PTK2: variants seen among roughly 807,000 people sequenced by gnomAD.
PTK2 encodes protein tyrosine kinase 2, also known as focal adhesion kinase 1.
Under a neutral mutation model 150.1 loss-of-function variants are expected in PTK2, and 45 were observed. The ratio of observed to expected loss-of-function variants is 0.30; its 90% CI spans 0.24 to 0.38. The LOEUF is 0.38. Ranked by LOEUF, PTK2 falls within the 10% of genes least tolerant of loss-of-function variation. The pLI is 1.00. For missense variants in PTK2, 919 were observed against 1,307.3 expected (o/e 0.70, Z 4.58); for synonymous variants, 432 against 449.2 (o/e 0.96, Z 0.48).
chr8:140,940,912 G>A (rs898700324), intron 1 of PTK2, among the ~76,000 whole-genome samples: 7 of 152,144 alleles, frequency 4.6e-5, no homozygotes, highest in African/African-American at 1.4e-4. Context: ...AGTGGTTGCA[G>A]TGAGCTGAGA....
chr8:140,913,070 A>G (rs912088297), intron 2 of PTK2, among the ~76,000 whole-genome samples: 4 of 152,190 alleles, frequency 2.6e-5, no homozygotes, highest in African/African-American at 9.7e-5. Context: ...TCCTCTCACC[A>G]TTTCTCAACA....
intron 22 of PTK2, chr8:140,734,628 C>T (rs2100051499): frequency 2.3e-6 from 1 of 444,442 alleles, no homozygotes; most frequent in African/African-American, 2.0e-5. Flanking sequence ...CAGTACCTGG[C>T]ACAAAGTAGT....
intron 10 of PTK2, among the ~76,000 whole-genome samples, chr8:140,807,980 A>T (rs1219030204): frequency 1.3e-5 from 2 of 152,184 alleles, no homozygotes; most frequent in East Asian, 3.8e-4. Flanking sequence ...GGTAGTAGGC[A>T]GGAAAGGCCT....
At chr8:140,874,805 T>A (rs905112541) in intron 4 of PTK2, among the ~76,000 whole-genome samples, 1 of 152,240 alleles carries the variant, frequency 6.6e-6, no homozygotes, top group African/African-American at 2.4e-5. Flanking sequence ...GTTTGGTTCC[T>A]AGCTGAAAAC....
intron 5 of PTK2, among the ~76,000 whole-genome samples, chr8:140,847,080 C>T (rs927358287): frequency 6.6e-6 from 1 of 152,114 alleles, no homozygotes; most frequent in Non-Finnish European, 1.5e-5. Flanking sequence ...TCATAATAAC[C>T]TTCAGATGCT....
intron 1 of PTK2, among the ~76,000 whole-genome samples, chr8:140,973,419 T>A (rs748446889): frequency 2.6e-4 from 40 of 152,094 alleles, no homozygotes; most frequent in Non-Finnish European, 5.4e-4. Flanking sequence ...AGTAAAAGCT[T>A]TGGATCCTAA....
intron 4 of PTK2, among the ~76,000 whole-genome samples, chr8:140,878,018 G>T (rs1397295264): frequency 6.6e-6 from 1 of 152,044 alleles, no homozygotes; most frequent in Non-Finnish European, 1.5e-5. Context: ...GGGAGTTCAA[G>T]ACCAGCCCAA....
intron 16 of PTK2, among the ~76,000 whole-genome samples, chr8:140,755,099 T>C (rs1027788914): frequency 2.0e-5 from 3 of 152,194 alleles, no homozygotes; most frequent in African/African-American, 7.2e-5. Flanking sequence ...TTAAAATATC[T>C]TAACAAATAA....
intron 26 of PTK2, among the ~76,000 whole-genome samples, chr8:140,694,029 TTTC>T (rs2100024859): frequency 6.7e-6 from 1 of 150,162 alleles, no homozygotes; most frequent in African/African-American, 2.5e-5. Context: ...AGCATCTTTT[TTTC>T]TTTTCTTTTC....
chr8:140,962,451 C>A (rs1481825775), intron 1 of PTK2, among the ~76,000 whole-genome samples: 1 of 152,114 alleles, frequency 6.6e-6, no homozygotes, highest in African/African-American at 2.4e-5. Context: ...GTATACTATG[C>A]CTACTACAAA....
intron 14 of PTK2, among the ~76,000 whole-genome samples, chr8:140,772,887 C>T (rs1030929556): frequency 6.6e-6 from 1 of 152,196 alleles, no homozygotes; most frequent in South Asian, 2.1e-4. Context: ...TGGGGCCAGA[C>T]AGTTTGGATT....
At chr8:140,762,262 A>G (rs1173778705) in intron 15 of PTK2, 106 bp downstream of exon 18, 5 of 538,374 alleles carry the variant, frequency 9.3e-6, no homozygotes, top group Admixed American at 6.2e-5. Flanking sequence ...AAGTAAACCA[A>G]TGACAAATAG....
intron 1 of PTK2, among the ~76,000 whole-genome samples, chr8:140,989,080 C>CA: frequency 6.6e-6 from 1 of 151,480 alleles, no homozygotes. Context: ...TCTGTTTATC[C>CA]AAAAAACACT....
intron 25 of PTK2, among the ~76,000 whole-genome samples, chr8:140,701,825 G>C (rs1450567630): frequency 6.6e-6 from 1 of 151,966 alleles, no homozygotes; most frequent in Non-Finnish European, 1.5e-5. Flanking sequence ...CCTGATCTTT[G>C]AATTAAGTCA....
At chr8:140,967,530 G>A (rs1228920144) in intron 1 of PTK2, among the ~76,000 whole-genome samples, 2 of 148,356 alleles carry the variant, frequency 1.3e-5, no homozygotes, top group African/African-American at 5.0e-5. Context: ...GTGCAATCTC[G>A]GCTCACTGCA....
chr8:140,686,785 A>T, intron 26 of PTK2, 91 bp from the exon 30 acceptor site: 1 of 1,093,970 alleles, frequency 9.1e-7, no homozygotes. Context: ...TTTTTAACAC[A>T]ATTGTCCTCT....
At chr8:140,893,017 T>C (rs1163620434) in intron 2 of PTK2, among the ~76,000 whole-genome samples, 1 of 152,116 alleles carries the variant, frequency 6.6e-6, no homozygotes, top group Non-Finnish European at 1.5e-5. Flanking sequence ...CCAAAAGAAC[T>C]GAAAATGTAT....
chr8:140,818,218 C>T, intron 10 of PTK2, 59 bp downstream of exon 10: 1 of 1,443,134 alleles, frequency 6.9e-7, no homozygotes, highest in Non-Finnish European at 9.7e-7. Flanking sequence ...TGCCCCATTT[C>T]CTTAATTTGA....
intron 2 of PTK2, among the ~76,000 whole-genome samples, chr8:140,906,782 A>G (rs546698457): frequency 2.0e-5 from 3 of 152,222 alleles, no homozygotes; most frequent in Non-Finnish European, 4.4e-5. Context: ...TTTATTGCAT[A>G]TTTTAAAATG....
Sources: allele counts gnomAD v4.1 joint callset (sites outside exome capture counted in the v4.1 genomes callset), GRCh38; gene constraint gnomAD v4.1.1; transcripts MANE v1.5; gene names NCBI Gene and HGNC (gene_info 2026-07-23, HGNC 2026-07-21).